The following OXR1 variants were observed in gnomAD, a reference collection of about 807,000 sequenced individuals.
OXR1 encodes the protein oxidation resistance protein 1.
OXR1 carries 41 observed loss-of-function variants against 104.6 expected under a neutral mutation model. The ratio of observed to expected loss-of-function variants is 0.39; its 90% confidence interval spans 0.31 to 0.51. OXR1 has a LOEUF of 0.51. Among genes scored for constraint, OXR1 ranks in the 20% least tolerant of loss-of-function variants. OXR1 has a pLI of 0.77. For synonymous variants in OXR1, 348 were observed against 348.4 expected, an observed-to-expected ratio of 1.00 and a Z score of 0.01; for missense variants, 955 against 1,031.9, an observed-to-expected ratio of 0.93 and a Z score of 1.02.
intron 2 of OXR1, among the ~76,000 whole-genome samples, chr8:106,491,793 G>A (rs1811104567): frequency 6.6e-6 from 1 of 152,142 alleles, no homozygotes; most frequent in Admixed American, 6.5e-5. Flanking sequence ...AATGAAGCTA[G>A]GAATGAGAAA....
chr8:106,455,993 G>A (rs2130631831), intron 2 of OXR1, among the ~76,000 whole-genome samples: 1 of 152,148 alleles, frequency 6.6e-6, no homozygotes, highest in East Asian at 1.9e-4. Context: ...ATTAAATTCT[G>A]TAAACTTAAT....
intron 3 of OXR1, among the ~76,000 whole-genome samples, chr8:106,561,783 G>C (rs908667920): frequency 6.6e-6 from 1 of 152,216 alleles, no homozygotes; most frequent in Non-Finnish European, 1.5e-5. Context: ...GGAAGGAACA[G>C]GCAGCAATCT....
At chr8:106,582,711 C>T (rs948565071) in intron 3 of OXR1, among the ~76,000 whole-genome samples, 2 of 152,064 alleles carry the variant, frequency 1.3e-5, no homozygotes, top group African/African-American at 2.4e-5. Flanking sequence ...TGTTGTTTTT[C>T]CTCTTTTTAG....
chr8:106,595,144 A>G (rs1819415575), intron 3 of OXR1, among the ~76,000 whole-genome samples: 1 of 152,104 alleles, frequency 6.6e-6, no homozygotes, highest in African/African-American at 2.4e-5. Flanking sequence ...ATTATAACCA[A>G]CTTCTGTTCT....
At chr8:106,335,191 T>G (rs2130242206) in intron 1 of OXR1, among the ~76,000 whole-genome samples, 1 of 152,300 alleles carries the variant, frequency 6.6e-6, no homozygotes, top group East Asian at 1.9e-4. Flanking sequence ...TGCCTCAAAT[T>G]TTCAAACTCT....
intron 3 of OXR1, among the ~76,000 whole-genome samples, chr8:106,610,841 G>C (rs774135783): frequency 1.4e-4 from 21 of 152,180 alleles, no homozygotes; most frequent in Non-Finnish European, 2.6e-4. Context: ...ATAAGATTCT[G>C]CCTGTTTTTA....
intron 1 of OXR1, among the ~76,000 whole-genome samples, chr8:106,283,777 T>TA (rs1179705907): frequency 7.9e-5 from 12 of 152,164 alleles, no homozygotes; most frequent in African/African-American, 2.9e-4. Context: ...TCTTTTAGGG[T>TA]AAAATCTGCT....
chr8:106,457,145 C>T (rs1820640219), intron 2 of OXR1, among the ~76,000 whole-genome samples: 1 of 152,164 alleles, frequency 6.6e-6, no homozygotes, highest in African/African-American at 2.4e-5. Flanking sequence ...TACTGGGATT[C>T]ACTGGTGTGC....
At chr8:106,586,446 G>T (rs1450757404) in intron 3 of OXR1, among the ~76,000 whole-genome samples, 3 of 152,198 alleles carry the variant, frequency 2.0e-5, no homozygotes, top group African/African-American at 7.2e-5. Flanking sequence ...CAGGTTTGCA[G>T]AGAATTCAGG....
intron 2 of OXR1, among the ~76,000 whole-genome samples, chr8:106,396,305 C>G: frequency 6.6e-6 from 1 of 151,940 alleles, no homozygotes; most frequent in East Asian, 1.9e-4. Context: ...AAACCTGACA[C>G]ACACCGCCTG....
Position 106,569,502 on chromosome 8 carries a change from C to T in OXR1, c.220+50363C>T, listed in dbSNP as rs1817316080. ...TCATCGCATCCTAAGTGTTGAACGG[C>T]AAGAACATCCATTCTTCATGCTATG... On this transcript the variant is annotated intron_variant, in intron 3 of 16. Transcript: ENST00000517566. Among the ~76,000 whole-genome samples, 2 of 152,146 alleles carry T rather than the reference C, an allele frequency of 1.3e-5. 1 individual carries two copies. The highest frequency in any genetic ancestry group is 4.1e-4 in the South Asian group (2 of 4,826).
At chr8:106,681,459 G>A (rs935824328) in intron 4 of OXR1, among the ~76,000 whole-genome samples, 4 of 152,020 alleles carry the variant, frequency 2.6e-5, no homozygotes, top group Non-Finnish European at 4.4e-5. Flanking sequence ...AAATGCACAC[G>A]CACCTGCTTT....
At chr8:106,694,875 T>C (rs1829786219) in intron 7 of OXR1, among the ~76,000 whole-genome samples, 1 of 132,848 alleles carries the variant, frequency 7.5e-6, no homozygotes, top group African/African-American at 2.8e-5. Context: ...TTATATATAA[T>C]ATATATATTT....
chr8:106,446,381 A>G (rs1311334405), intron 2 of OXR1, among the ~76,000 whole-genome samples: 2 of 152,144 alleles, frequency 1.3e-5, no homozygotes, highest in Non-Finnish European at 2.9e-5. Flanking sequence ...GCACTTTGGG[A>G]GGCTGAGGCG....
chr8:106,367,358 C>T (rs115521624), intron 2 of OXR1, among the ~76,000 whole-genome samples: 10 of 151,986 alleles, frequency 6.6e-5, no homozygotes, highest in African/African-American at 1.7e-4. Context: ...CCACCACGCC[C>T]GATCTATGTT....
chr8:106,302,353 C>A (rs555620310), intron 1 of OXR1, among the ~76,000 whole-genome samples: 2 of 152,038 alleles, frequency 1.3e-5, no homozygotes, highest in African/African-American at 4.8e-5. Flanking sequence ...GAGGCCGAGG[C>A]GGGTGGATCA....
At chr8:106,573,915 CAA>C (rs56657986) in intron 3 of OXR1, among the ~76,000 whole-genome samples, 1 of 147,646 alleles carries the variant, frequency 6.8e-6, no homozygotes, top group Non-Finnish European at 1.5e-5. Context: ...ATTTTTAATT[CAA>C]AAAAAAAAAG....
intron 11 of OXR1, among the ~76,000 whole-genome samples, chr8:106,723,300 G>A (rs771095763): frequency 2.0e-5 from 3 of 151,926 alleles, no homozygotes; most frequent in Non-Finnish European, 4.4e-5. Context: ...GACCATCCTC[G>A]CTAACACGGT....
intron 2 of OXR1, among the ~76,000 whole-genome samples, chr8:106,498,534 G>C (rs1282717746): frequency 1.3e-5 from 2 of 152,138 alleles, no homozygotes; most frequent in Non-Finnish European, 2.9e-5. Context: ...TCACAGCATG[G>C]ACCATAGAAA....
Sources: allele counts gnomAD v4.1 joint callset (sites outside exome capture counted in the v4.1 genomes callset), GRCh38; gene constraint gnomAD v4.1.1; transcripts MANE v1.5; gene names NCBI Gene and HGNC (gene_info 2026-07-23, HGNC 2026-07-21).